EYA1: variants seen among roughly 807,000 people sequenced by gnomAD.
EYA1 encodes the protein EYA transcriptional coactivator and phosphatase 1, also known as protein phosphatase EYA1.
Under a neutral mutation model 82.0 loss-of-function variants are expected in EYA1, and 16 were observed. The ratio of observed to expected loss-of-function variants is 0.20; its 90% CI spans 0.13 to 0.30. The LOEUF is 0.30. EYA1 is among the 10% of genes least tolerant of loss of function. EYA1 has a pLI of 1.00. For synonymous variants in EYA1, 261 were observed against 264.4 expected (o/e 0.99, Z 0.12); for missense variants, 633 against 730.7 (o/e 0.87, Z 1.54).
At chr8:71,391,409 T>C (rs894505270) in intron 2 of EYA1, among the ~76,000 whole-genome samples, 58 of 152,228 alleles carry the variant, frequency 3.8e-4, no homozygotes, top group African/African-American at 1.3e-3. Flanking sequence ...AAAATCTTTG[T>C]CTGATTGTTC....
At position 71,353,373 on chromosome 8, in the gene EYA1, G is replaced by C. The variant is rs149588024; in HGVS notation, c.124+1409C>G. Among the ~76,000 whole-genome samples the C allele has an allele frequency of 9.2e-3, 1,405 of 152,240 alleles. 22 individuals are homozygous for C. The highest frequency in any genetic ancestry group is 0.031 in the African/African-American group (1,306 of 41,516). On this transcript the variant is annotated intron_variant, in intron 3 of 17. Transcript: ENST00000340726. ...CTCTATAAAATCCACTTACACACTA[G>C]AACTACTTTCCTATAAATAATTTAA...
chr8:71,406,819 G>C (rs9694424), intron 2 of EYA1, among the ~76,000 whole-genome samples: 3,774 of 145,156 alleles, frequency 0.026, 138 homozygotes, highest in African/African-American at 0.09. Flanking sequence ...CATTGCCCAG[G>C]CTTGCTTAGG....
chr8:71,348,175 T>C (rs1825945409), intron 3 of EYA1, among the ~76,000 whole-genome samples: 1 of 152,170 alleles, frequency 6.6e-6, no homozygotes, highest in Non-Finnish European at 1.5e-5. Context: ...GGAGAATGAA[T>C]TACTCTTGAC....
chr8:71,472,651 C>T (rs1472956569), intron 2 of EYA1, among the ~76,000 whole-genome samples: 1 of 151,730 alleles, frequency 6.6e-6, no homozygotes, highest in Non-Finnish European at 1.5e-5. Context: ...GACTAAGTAT[C>T]TTGCATAGGG....
At chr8:71,343,593 G>T (rs1467665693) in intron 3 of EYA1, among the ~76,000 whole-genome samples, 1 of 152,168 alleles carries the variant, frequency 6.6e-6, no homozygotes, top group Non-Finnish European at 1.5e-5. Flanking sequence ...ACTCTATAGA[G>T]AGTCCCCACT....
At chr8:71,533,058 A>C (rs549083613) in intron 2 of EYA1, among the ~76,000 whole-genome samples, 2 of 152,306 alleles carry the variant, frequency 1.3e-5, no homozygotes, top group African/African-American at 4.8e-5. Context: ...AACTTTTAGA[A>C]CAGGCAAAAC....
intron 2 of EYA1, among the ~76,000 whole-genome samples, chr8:71,450,629 G>A (rs1469493406): frequency 6.6e-6 from 1 of 152,214 alleles, no homozygotes; most frequent in Admixed American, 6.5e-5. Flanking sequence ...AAGGGAGCAT[G>A]TGCTGTTGGG....
At chr8:71,235,442 T>C (rs1301836140) in intron 12 of EYA1, among the ~76,000 whole-genome samples, 1 of 152,168 alleles carries the variant, frequency 6.6e-6, no homozygotes. Flanking sequence ...TACCATATCC[T>C]TGCAGTTGCT....
chr8:71,199,323 C>G lies in EYA1; in HGVS notation c.*17G>C. ...TGGTCACAGAGCAGCTGTGCGCTGT[C>G]AAAGTGCCGAGCGCTGTTACAGGTA... On this transcript the variant is annotated 3_prime_UTR_variant, in exon 18 of 18. Transcript: ENST00000340726. 1 of 1,587,876 alleles carries G rather than the reference C, an allele frequency of 6.3e-7. No homozygotes were observed. The highest frequency in any genetic ancestry group is 1.7e-5 in the Admixed American group (1 of 59,686).
chr8:71,428,377 T>A (rs1273908677), intron 2 of EYA1, among the ~76,000 whole-genome samples: 2 of 152,348 alleles, frequency 1.3e-5, no homozygotes, highest in East Asian at 3.9e-4. Context: ...ATAAGATTTA[T>A]GCAACTATTA....
At chr8:71,250,471 G>C (rs1350778960) in intron 11 of EYA1, among the ~76,000 whole-genome samples, 2 of 152,182 alleles carry the variant, frequency 1.3e-5, no homozygotes, top group Admixed American at 1.3e-4. Flanking sequence ...TGGTACCACA[G>C]CTCTATGTGT....
At chr8:71,226,865 C>T (rs1810624031) in intron 12 of EYA1, among the ~76,000 whole-genome samples, 1 of 151,798 alleles carries the variant, frequency 6.6e-6, no homozygotes, top group African/African-American at 2.4e-5. Flanking sequence ...TATGTCCCTA[C>T]CGCTGACATT....
chr8:71,346,431 A>AATATATATAATATAT (rs770393582), intron 3 of EYA1, among the ~76,000 whole-genome samples: 48 of 105,442 alleles, frequency 4.6e-4, no homozygotes, highest in African/African-American at 1.6e-3. Context: ...TACTGCAGTG[A>AATATATATAATATAT]ATATATATAT....
chr8:71,384,282 A>T (rs1289410954), intron 2 of EYA1, among the ~76,000 whole-genome samples: 1 of 152,206 alleles, frequency 6.6e-6, no homozygotes, highest in Admixed American at 6.5e-5. Flanking sequence ...TGAAGAGCTT[A>T]ACCTCTCTGT....
At chr8:71,238,961 A>G (rs1306662411) in intron 12 of EYA1, among the ~76,000 whole-genome samples, 1 of 152,018 alleles carries the variant, frequency 6.6e-6, no homozygotes, top group African/African-American at 2.4e-5. Flanking sequence ...ATTTATTTAT[A>G]ATATATTATC....
intron 2 of EYA1, among the ~76,000 whole-genome samples, chr8:71,518,693 C>G (rs1158521112): frequency 6.6e-6 from 1 of 152,130 alleles, no homozygotes; most frequent in Admixed American, 6.6e-5. Flanking sequence ...AAGCAAACAT[C>G]TGAAAACAAA....
At chr8:71,526,532 G>A (rs1213956938) in intron 2 of EYA1, among the ~76,000 whole-genome samples, 1 of 152,104 alleles carries the variant, frequency 6.6e-6, no homozygotes, top group African/African-American at 2.4e-5. Context: ...CTATCTGCTG[G>A]GGCTGCAGTC....
At position 71,274,970 on chromosome 8, in the gene EYA1, G is replaced by A. The variant is rs1338015073; in HGVS notation, c.827-3073C>T. Among the ~76,000 whole-genome samples the A allele has an allele frequency of 5.2e-5, 8 of 152,394 alleles. No individual in the cohort carries two copies. In the East Asian group the frequency reaches 1.3e-3, roughly 26 times the overall value. Reference sequence around the variant, plus strand: ...CAAGCGAGTGAACAAGCGCAAGCGCGTGCGAGAGCGCATGTCACATTTAAG... The same window carrying A: ...CAAGCGAGTGAACAAGCGCAAGCGCATGCGAGAGCGCATGTCACATTTAAG... On this transcript the variant is annotated intron_variant, in intron 9 of 17. Coordinates refer to ENST00000340726, the MANE Select transcript of EYA1 (RefSeq NM_000503.6).
chr8:71,215,453 T>C lies in EYA1; in HGVS notation c.1531A>G (p.Lys511Glu), dbSNP rs1057520766. Residue 511 changes from lysine (K) to glutamate (E), a missense_variant, in exon 16 of 18, where the codon AAA becomes GAA. Coordinates refer to ENST00000340726, the MANE Select transcript of EYA1 (RefSeq NM_000503.6). The part of the protein sequence containing the change: ...TTTQLIPALA[K>E]VLLYGLGIVF... ...ATTCCTAACCCATACAGCAGGACTT[T>C]CGCCAATGCTGGGATGAGCTGAGTA... 1.2e-6 allele frequency: 2 copies of C among 1,613,232 alleles called. No individual in the cohort carries two copies. The highest frequency in any genetic ancestry group is 2.7e-5 in the African/African-American group (2 of 74,926).
Sources: allele counts gnomAD v4.1 joint callset (sites outside exome capture counted in the v4.1 genomes callset), GRCh38; gene constraint gnomAD v4.1.1; transcripts MANE v1.5; gene names NCBI Gene and HGNC (gene_info 2026-07-23, HGNC 2026-07-21).